EPRS1: variants seen among roughly 807,000 people sequenced by gnomAD.
EPRS1 encodes the protein glutamyl-prolyl-tRNA synthetase 1.
A neutral mutation model predicts 188.3 loss-of-function variants in EPRS1; 107 were observed. The ratio of observed to expected loss-of-function variants is 0.57; its 90% confidence interval spans 0.49 to 0.67. The LOEUF is 0.67. Among genes scored for constraint, EPRS1 ranks in the 30% least tolerant of loss-of-function variants. The pLI, the probability that EPRS1 is intolerant of heterozygous loss-of-function variation, is 0.00. For missense variants in EPRS1, 1,577 were observed against 1,802.2 expected (o/e 0.88, Z 2.26); for synonymous variants, 596 against 593.1 (o/e 1.00, Z -0.07).
In EPRS1 at chr1:220,031,921, T is replaced by G. The variant is rs564181149; in HGVS notation, c.528+466A>C. 2.6e-5 allele frequency among the ~76,000 whole-genome samples: 4 copies of G among 152,334 alleles called. 1 individual carries two copies. The South Asian group carries it at 8.3e-4, about 32-fold the overall frequency. ...TATTTAGCTATATAATTATAAAGAT[T>G]AGGGCTTTATATAGATGAACAATTA... is the stretch of plus-strand genomic sequence containing the variant. On this transcript the variant is annotated intron_variant, in intron 5 of 31. Transcript: ENST00000366923.
intron 10 of EPRS1, 39 bp downstream of exon 10, chr1:220,019,949 T>A: frequency 7.2e-7 from 1 of 1,392,102 alleles, no homozygotes; most frequent in Non-Finnish European, 1.0e-6. Flanking sequence ...ATCTACTATG[T>A]CCTTACTTCT....
Position 219,971,710 on chromosome 1 carries a change from A to T in EPRS1, c.4323+359T>A, listed in dbSNP as rs980825861. Among the ~76,000 whole-genome samples the T allele has an allele frequency of 2.0e-5, 3 of 148,684 alleles. No individual in the cohort carries two copies. The East Asian group carries it at 5.9e-4, about 29-fold the overall frequency. On this transcript the variant is annotated intron_variant, in intron 30 of 31. Coordinates refer to ENST00000366923, the MANE Select transcript of EPRS1 (RefSeq NM_004446.3). ...AACATGGGGAAAAAAAAACTTACAT[A>T]ATCAGTTCACAAGTATTACCCCCAA...
At chr1:219,985,177 T>C (rs1660983726) in intron 20 of EPRS1, among the ~76,000 whole-genome samples, 1 of 152,200 alleles carries the variant, frequency 6.6e-6, no homozygotes. Flanking sequence ...ACATCTCTTT[T>C]ACAAGGTTCT....
intron 16 of EPRS1, 29 bp downstream of exon 16, chr1:220,005,219 C>A: frequency 9.7e-7 from 1 of 1,028,356 alleles, no homozygotes; most frequent in Admixed American, 2.4e-5. Flanking sequence ...TAAGCATTTT[C>A]ATTTAGACGT....
chr1:220,007,120 G>A (rs927187456), intron 14 of EPRS1, 82 bp downstream of exon 14: 1 of 1,269,090 alleles, frequency 7.9e-7, no homozygotes, highest in Non-Finnish European at 1.1e-6. Context: ...GTATGGGTCT[G>A]AATTTGGTAA....
chr1:220,000,422 G>A lies in EPRS1; in HGVS notation c.2181+716C>T, dbSNP rs184228380. Among the ~76,000 whole-genome samples, 82 of 152,134 alleles carry A rather than the reference G, an allele frequency of 5.4e-4. 1 individual carries two copies. The highest frequency in any genetic ancestry group is 1.9e-3 in the African/African-American group (77 of 41,516). ...TATTACGATGTATTTTGTCTTTTTC[G>A]CTCTCATTCTCTCATGACTGTTTGT... On this transcript the variant is annotated intron_variant, in intron 17 of 31. Coordinates refer to ENST00000366923, the MANE Select transcript of EPRS1 (RefSeq NM_004446.3).
chr1:220,034,391 C>T (rs1244055706), intron 3 of EPRS1, among the ~76,000 whole-genome samples: 1 of 152,076 alleles, frequency 6.6e-6, no homozygotes, highest in Non-Finnish European at 1.5e-5. Flanking sequence ...ATGATGTTGA[C>T]AGAATGATGA....
intron 27 of EPRS1, 131 bp from the exon 28 acceptor site, chr1:219,978,850 T>G: frequency 5.0e-6 from 3 of 595,128 alleles, no homozygotes; most frequent in Middle Eastern, 4.0e-4. Context: ...ATCTTATATA[T>G]AATGTCTACT....
intron 6 of EPRS1, among the ~76,000 whole-genome samples, chr1:220,027,240 C>T (rs1467103793): frequency 6.6e-6 from 1 of 151,846 alleles, no homozygotes; most frequent in Non-Finnish European, 1.5e-5. Context: ...CTGGCTAACA[C>T]AGTGAAACCC....
At chr1:220,024,897 T>C (rs561866668) in intron 7 of EPRS1, among the ~76,000 whole-genome samples, 3 of 152,294 alleles carry the variant, frequency 2.0e-5, no homozygotes, top group South Asian at 4.1e-4. Flanking sequence ...ATTGGTATTA[T>C]AGGAAAACAT....
In EPRS1 at chr1:219,984,235, C is replaced by G; in HGVS notation, c.3061G>C (p.Glu1021Gln). The change falls in exon 21 of 32, where the codon GAA becomes CAA. Residue 1021 changes from glutamate to glutamine, a missense_variant. Physicochemically the swap from Glu to Gln is conservative, Grantham distance 29. Transcript: ENST00000366923. ...GAATACCAATCAGCAAGATTTTCTT[C>G]TTTTTTTGCCTCAAGACCCAACCTG... ...QTRLGLEAKK[E>Q]ENLADWYSQV... 1 of 1,613,488 alleles carries G rather than the reference C, an allele frequency of 6.2e-7. No individual in the cohort carries two copies.
Position 220,040,258 on chromosome 1 carries a change from C to T in EPRS1, c.58G>A (p.Ala20Thr), listed in dbSNP as rs752239544. The T allele has an allele frequency of 3.8e-6, 6 of 1,599,218 alleles. No individual in the cohort carries two copies. The highest frequency in any genetic ancestry group is 5.1e-6 in the Non-Finnish European group (6 of 1,167,976). ...ACATCGTCTTTCACGTGTTCTACTG[C>T]CAGCAAAGCTCCTATAAATAATATG... ...SGDPPLGALL[A>T]VEHVKDDVSI... Residue 20 changes from alanine to threonine, a missense_variant, in exon 2 of 32, where the codon GCA (alanine) becomes ACA (threonine). Ala to Thr is a moderately conservative substitution (Grantham distance 58). Transcript: ENST00000366923.
In EPRS1 at chr1:220,020,369, A is replaced by C. The variant is rs77393383; in HGVS notation, c.1116-148T>G. 1.2e-3 allele frequency: 711 copies of C among 585,014 alleles called. 6 individuals carry two copies. In the African/African-American group the frequency reaches 0.013, roughly 10 times the overall value. The allele number at this position is 585,014 out of a possible 1,614,324, so 36.2% of individuals were successfully genotyped here. On this transcript the variant is annotated intron_variant, in intron 9 of 31. Transcript: ENST00000366923. The stretch of plus-strand genomic sequence containing the variant: ...AAAAGGTTTTATGACTTAATACTCA[A>C]AGTGTATCAAAACATTATCAGCCTT...
intron 6 of EPRS1, among the ~76,000 whole-genome samples, chr1:220,028,539 T>C (rs1317976404): frequency 6.6e-6 from 1 of 152,150 alleles, no homozygotes; most frequent in Non-Finnish European, 1.5e-5. Context: ...TTCTGCCATA[T>C]GTTAACAGAT....
At chr1:219,992,595 C>T (rs60796755) in intron 18 of EPRS1, among the ~76,000 whole-genome samples, 5,554 of 152,238 alleles carry the variant, frequency 0.036, 292 homozygotes, top group African/African-American at 0.12. Context: ...CAGCCATAGA[C>T]GATATGTACA....
chr1:220,026,211 TA>T (rs1661969235), intron 6 of EPRS1, among the ~76,000 whole-genome samples: 1 of 152,306 alleles, frequency 6.6e-6, no homozygotes, highest in African/African-American at 2.4e-5. Flanking sequence ...GAATTTTAAC[TA>T]AATAATCCCA....
intron 10 of EPRS1, among the ~76,000 whole-genome samples, chr1:220,019,604 C>T (rs1658227): frequency 6.6e-6 from 1 of 152,092 alleles, no homozygotes; most frequent in African/African-American, 2.4e-5. Flanking sequence ...ATCTTCACTT[C>T]GATTCAAGGG....
In EPRS1 at chr1:219,983,303, G is replaced by A; in HGVS notation, c.3186C>T (p.Asp1062=). ...WAYAIWEAIK[D]FFDAEIKKLG... ...GTTTCTTGATCTCAGCATCAAAAAA[G>A]TCCTTGATGGCTTCCCAAATGGCAT... is the stretch of plus-strand genomic sequence containing the variant. The change falls in exon 22 of 32, where the codon GAC becomes GAT. Residue 1062 remains aspartate (D), a synonymous_variant. Coordinates refer to ENST00000366923, the MANE Select transcript of EPRS1 (RefSeq NM_004446.3). 6.2e-7 allele frequency: 1 copy of A among 1,613,720 alleles called. No individual in the cohort carries two copies. Among genetic ancestry groups the A allele is most frequent in the Non-Finnish European group, 8.5e-7 (1 of 1,179,594 alleles).
intron 27 of EPRS1, 25 bp downstream of exon 27, chr1:219,979,393 T>C: frequency 1.3e-6 from 2 of 1,534,656 alleles, no homozygotes; most frequent in East Asian, 2.3e-5. Flanking sequence ...ATAAAATGAG[T>C]GATAAACAGG....
Sources: allele counts gnomAD v4.1 joint callset (sites outside exome capture counted in the v4.1 genomes callset), GRCh38; gene constraint gnomAD v4.1.1; transcripts MANE v1.5; gene names NCBI Gene and HGNC (gene_info 2026-07-23, HGNC 2026-07-21).